The following EPS8 variants were observed in gnomAD, a reference collection of about 807,000 sequenced individuals.
EPS8 encodes the protein epidermal growth factor receptor kinase substrate 8.
In EPS8, 42 loss-of-function variants were observed where a neutral mutation model predicts 103.8. The observed-to-expected ratio is 0.40, with a 90% CI of 0.32 to 0.52. The LOEUF is 0.52. Among genes scored for constraint, EPS8 ranks in the 20% least tolerant of loss-of-function variants. The pLI is 0.40. For synonymous variants in EPS8, 344 were observed against 344.6 expected (o/e 1.00, Z 0.02); for missense variants, 969 against 1,005.1 (o/e 0.96, Z 0.49).
At chr12:15,662,764 T>G in intron 8 of EPS8, 3 of 517,752 alleles carry the variant, frequency 5.8e-6, no homozygotes, top group South Asian at 8.3e-5. Flanking sequence ...CTGGTATGAG[T>G]CAGTTAATAC....
chr12:15,784,783 A>G lies in EPS8; in HGVS notation c.-22+4378T>C, dbSNP rs577709812. On this transcript the variant is annotated intron_variant, in intron 1 of 20. Transcript: ENST00000281172. This position sits in a 1 kb window ranked among gnomAD's most constrained non-coding sequence, Gnocchi z 4.0. ...TAAACAAACCATGATATATCTGATA[A>G]TGATAGAAAGAAATGAGCTATTAAA... 6.6e-6 allele frequency among the ~76,000 whole-genome samples: 1 copy of G among 152,270 alleles called. No homozygotes were observed. Among genetic ancestry groups the G allele is most frequent in the Non-Finnish European group, 1.5e-5 (1 of 67,960 alleles).
intron 2 of EPS8, among the ~76,000 whole-genome samples, chr12:15,682,348 T>A (rs563231452): frequency 6.6e-6 from 1 of 152,314 alleles, no homozygotes; most frequent in Non-Finnish European, 1.5e-5. Context: ...TATACCACAA[T>A]GGCCAATGTC....
At chr12:15,623,105 T>C (rs2135708429) in intron 20 of EPS8, 53 bp downstream of exon 20, 1 of 1,551,500 alleles carries the variant, frequency 6.4e-7, no homozygotes, top group Admixed American at 2.1e-5. Context: ...AAATAGTTGT[T>C]TCCAGAGCTT....
chr12:15,666,980 G>T (rs1306924575), intron 6 of EPS8, among the ~76,000 whole-genome samples: 2 of 152,098 alleles, frequency 1.3e-5, no homozygotes, highest in African/African-American at 4.8e-5. Flanking sequence ...AAACTCCAAC[G>T]CTAGGTTTTA....
rs933687890 is a variant in EPS8, at chr12:15,620,835, C to G, written c.*482G>C. On this transcript the variant is annotated 3_prime_UTR_variant, in exon 21 of 21. Coordinates refer to ENST00000281172, the MANE Select transcript of EPS8 (RefSeq NM_004447.6). ...TTGGCATTAAGAACTTTAAATAAAT[C>G]TAAATATTCTTCCATTGAGTATGTC... 6.6e-6 allele frequency: 1 copy of G among 152,158 alleles called. No homozygotes were observed. Among genetic ancestry groups the G allele is most frequent in the Non-Finnish European group, 1.5e-5 (1 of 68,100 alleles). 9.4% of individuals were successfully genotyped at this position (152,158 alleles called of 1,614,324 possible). A position where few individuals can be genotyped will look rare whatever the true frequency, so the allele number is the denominator to read the frequency against.
intron 15 of EPS8, among the ~76,000 whole-genome samples, chr12:15,643,280 C>A (rs1307408116): frequency 1.3e-5 from 2 of 152,128 alleles, no homozygotes; most frequent in East Asian, 1.9e-4. Context: ...GGGTCTATAA[C>A]AAATTTTTTG....
intron 1 of EPS8, among the ~76,000 whole-genome samples, chr12:15,741,562 C>T (rs1257498326): frequency 6.6e-6 from 1 of 152,176 alleles, no homozygotes; most frequent in Non-Finnish European, 1.5e-5. Flanking sequence ...CTGTCCCTGA[C>T]TTTGTGAGGG....
intron 1 of EPS8, among the ~76,000 whole-genome samples, chr12:15,685,452 CGTTTTAAAA>C: frequency 2.0e-5 from 3 of 152,034 alleles, no homozygotes; most frequent in African/African-American, 7.2e-5. Context: ...ATCTGGTTTG[CGTTTTAAAA>C]CCACAGCAGC....
At chr12:15,677,251 T>C (rs1164524607) in intron 3 of EPS8, among the ~76,000 whole-genome samples, 1 of 152,210 alleles carries the variant, frequency 6.6e-6, no homozygotes, top group Non-Finnish European at 1.5e-5. Flanking sequence ...ATTATTATCA[T>C]TTTTATTTTA....
chr12:15,676,259 CAAAAAAAA>C (rs888576581), intron 3 of EPS8, among the ~76,000 whole-genome samples: 5 of 16,320 alleles, frequency 3.1e-4, no homozygotes, highest in Non-Finnish European at 5.1e-4. Context: ...GACTCCATCT[CAAAAAAAA>C]AAAAAAAAAA....
chr12:15,661,628 T>A (rs1378926872), intron 9 of EPS8, among the ~76,000 whole-genome samples: 1 of 152,190 alleles, frequency 6.6e-6, no homozygotes, highest in Non-Finnish European at 1.5e-5. Flanking sequence ...AAAATGCCAC[T>A]TAACTTTTAT....
intron 17 of EPS8, among the ~76,000 whole-genome samples, chr12:15,638,698 C>G: frequency 6.6e-6 from 1 of 152,178 alleles, no homozygotes; most frequent in East Asian, 1.9e-4. Context: ...CTTGTGAACT[C>G]TTAAAAACAT....
intron 1 of EPS8, chr12:15,712,949 CA>C (rs1946486492): frequency 1.0e-6 from 1 of 985,236 alleles, no homozygotes; most frequent in African/African-American, 1.7e-5. Context: ...ACCTTTGGCA[CA>C]ACGTCAGAAA....
At chr12:15,719,717 G>T (rs879402320) in intron 1 of EPS8, among the ~76,000 whole-genome samples, 9 of 152,168 alleles carry the variant, frequency 5.9e-5, no homozygotes, top group Non-Finnish European at 1.0e-4. Context: ...TTTACCCTGG[G>T]TGGGCAAAAT....
intron 12 of EPS8, 95 bp downstream of exon 12, chr12:15,657,984 G>A (rs981057124): frequency 5.4e-6 from 4 of 738,270 alleles, no homozygotes; most frequent in Non-Finnish European, 9.5e-6. Context: ...ACCCACGCAA[G>A]GTAATGAAGA....
At position 15,779,987 on chromosome 12, in the gene EPS8, C is replaced by A. The variant is rs1283043589; in HGVS notation, c.-22+9174G>T. Reference sequence around the variant, plus strand: ...ATGTAAGAATGGTTTGAAACAGGACCTCCAATTTCACCCAAAAACATGCAA... The same window carrying A: ...ATGTAAGAATGGTTTGAAACAGGACATCCAATTTCACCCAAAAACATGCAA... On this transcript the variant is annotated intron_variant, in intron 1 of 20. Transcript: ENST00000281172. This position sits in a 1 kb window ranked among gnomAD's most constrained non-coding sequence, Gnocchi z 4.3. The A allele has an allele frequency of 6.6e-6, 1 of 152,152 alleles. No homozygotes were observed. The highest frequency in any genetic ancestry group is 1.5e-5 in the Non-Finnish European group (1 of 68,022). The allele number at this position is 152,152 out of a possible 1,614,324, so 9.4% of individuals were successfully genotyped here.
chr12:15,675,028 C>T (rs1316707279), intron 3 of EPS8, among the ~76,000 whole-genome samples: 2 of 151,760 alleles, frequency 1.3e-5, no homozygotes, highest in Admixed American at 6.6e-5. Context: ...AGGAGATAGA[C>T]AAGAAGAGAA....
chr12:15,691,509 G>A (rs1040275424), intron 1 of EPS8, among the ~76,000 whole-genome samples: 5 of 152,126 alleles, frequency 3.3e-5, no homozygotes, highest in African/African-American at 4.8e-5. Flanking sequence ...CAAGGCCTGC[G>A]CCTAGGGCTG....
intron 1 of EPS8, among the ~76,000 whole-genome samples, chr12:15,699,121 C>A (rs2970190): frequency 0.069 from 10,525 of 152,240 alleles, 1,202 homozygotes; most frequent in African/African-American, 0.24. Context: ...AGCTTACCCA[C>A]AAGGCAGTTT....
Sources: gnomAD v4.1 joint callset for allele counts (sites outside exome capture counted in the v4.1 genomes callset) on GRCh38, gnomAD v4.1.1 for gene constraint, Gnocchi (gnomAD v3.1) non-coding constraint, MANE v1.5 for transcripts, NCBI Gene and HGNC (gene_info 2026-07-23, HGNC 2026-07-21) for gene names.